The following TDRKH variants were observed in gnomAD, a reference collection of about 807,000 sequenced individuals.
The protein encoded by TDRKH is tudor and KH domain-containing protein.
In TDRKH, 28 loss-of-function variants were observed where a neutral mutation model predicts 61.3. The observed-to-expected ratio is 0.46, with a 90% CI of 0.34 to 0.63. The LOEUF is 0.63. TDRKH is among the 20% of genes least tolerant of loss of function. The probability of loss-of-function intolerance (pLI) is 0.01; values close to 1 mark genes in which losing one functional copy is unlikely to be tolerated. For synonymous variants in TDRKH, 219 were observed against 244.4 expected (o/e 0.90, Z 0.97); for missense variants, 540 against 683.4 (o/e 0.79, Z 2.34).
At chr1:151,785,806 T>G (rs1325702673) in intron 1 of TDRKH, among the ~76,000 whole-genome samples, 2 of 152,216 alleles carry the variant, frequency 1.3e-5, no homozygotes, top group Non-Finnish European at 2.9e-5. Flanking sequence ...AAATTAATAC[T>G]GGTAGAAAGT....
intron 1 of TDRKH, among the ~76,000 whole-genome samples, chr1:151,787,867 T>C (rs954279641): frequency 2.7e-5 from 4 of 145,528 alleles, no homozygotes; most frequent in Non-Finnish European, 6.0e-5. Context: ...TGCACACCTG[T>C]AGTTCCAGCT....
At chr1:151,766,807 G>A, downstream of TDRKH, 1 of 1,604,484 alleles carries the variant, frequency 6.2e-7, no homozygotes, top group South Asian at 1.1e-5. Flanking sequence ...TACCCGATCT[G>A]GTCACCATAC....
chr1:151,770,245 C>T (rs779813313), downstream of TDRKH: 14 of 1,613,354 alleles, frequency 8.7e-6, no homozygotes, highest in South Asian at 2.2e-5. Context: ...CCAGAATGAT[C>T]GGAACGACAG....
chr1:151,773,053 A>AT (rs1330259293), downstream of TDRKH, among the ~76,000 whole-genome samples: 1 of 147,930 alleles, frequency 6.8e-6, no homozygotes, highest in African/African-American at 2.5e-5. Context: ...GTATTTTTGT[A>AT]TTTTTTTGAG....
Position 151,783,046 on chromosome 1 carries a change from T to C in TDRKH, c.-24A>G, listed in dbSNP as rs764476609. 7.5e-6 allele frequency: 12 copies of C among 1,607,776 alleles called. No homozygotes were observed. The African/African-American group carries it at 1.1e-4, about 14-fold the overall frequency. On this transcript the variant is annotated 5_prime_UTR_variant, in exon 2 of 13. The change creates a new upstream start codon in the 5' untranslated region. Transcript: ENST00000368824. Reference sequence around the variant, plus strand: ...ATTTTCTGCTGTACTCTTTGACTTATATCCTGAAACAAGCAAAGCAGGGAA... The same window carrying C: ...ATTTTCTGCTGTACTCTTTGACTTACATCCTGAAACAAGCAAAGCAGGGAA...
downstream of TDRKH, chr1:151,767,399 A>C (rs78841822): frequency 5.8e-4 from 883 of 1,526,504 alleles, 7 homozygotes; most frequent in African/African-American, 0.011. Context: ...TTACAGAGGT[A>C]GATGGAATCT....
chr1:151,786,237 A>G (rs567936729), intron 1 of TDRKH, among the ~76,000 whole-genome samples: 1 of 152,332 alleles, frequency 6.6e-6, no homozygotes. Context: ...CTGGAGGTAG[A>G]TTTCTTACAA....
intron 1 of TDRKH, among the ~76,000 whole-genome samples, chr1:151,784,778 T>C (rs1414784480): frequency 6.6e-6 from 1 of 152,170 alleles, no homozygotes; most frequent in Non-Finnish European, 1.5e-5. Context: ...CCTATCTAGA[T>C]GCTGATAACT....
intron 9 of TDRKH, 97 bp from the exon 10 acceptor site, chr1:151,775,640 G>A: frequency 6.5e-7 from 1 of 1,527,658 alleles, no homozygotes; most frequent in Non-Finnish European, 8.8e-7. Flanking sequence ...AGGCACCTGT[G>A]TCTTCTCTGG....
chr1:151,768,113 A>C, downstream of TDRKH: 1 of 1,613,920 alleles, frequency 6.2e-7, no homozygotes, highest in African/African-American at 1.3e-5. Flanking sequence ...GACCCAGTAC[A>C]GTTAGACTTT....
At chr1:151,768,666 A>G (rs967488951), downstream of TDRKH, among the ~76,000 whole-genome samples, 1 of 151,676 alleles carries the variant, frequency 6.6e-6, no homozygotes, top group East Asian at 1.9e-4. Context: ...AGTTGGCCAA[A>G]TTTTTTTTTC....
downstream of TDRKH, chr1:151,768,106 C>G: frequency 1.9e-6 from 3 of 1,613,986 alleles, no homozygotes; most frequent in African/African-American, 2.7e-5. Flanking sequence ...CCACCAGGAC[C>G]CAGTACAGTT....
At chr1:151,788,286 T>C (rs1198141315) in intron 1 of TDRKH, among the ~76,000 whole-genome samples, 1 of 152,222 alleles carries the variant, frequency 6.6e-6, no homozygotes, top group East Asian at 1.9e-4. Flanking sequence ...CTGCACTAAA[T>C]GGACATTTAT....
downstream of TDRKH, among the ~76,000 whole-genome samples, chr1:151,772,836 A>G (rs987091831): frequency 2.0e-5 from 3 of 152,168 alleles, no homozygotes; most frequent in African/African-American, 7.2e-5. Flanking sequence ...TTTGAATAGT[A>G]TAGGTGGGGT....
downstream of TDRKH, chr1:151,768,113 A>G: frequency 6.2e-7 from 1 of 1,613,920 alleles, no homozygotes; most frequent in East Asian, 2.2e-5. Flanking sequence ...GACCCAGTAC[A>G]GTTAGACTTT....
downstream of TDRKH, chr1:151,770,354 C>T (rs1648631011): frequency 3.4e-6 from 5 of 1,463,308 alleles, no homozygotes; most frequent in Admixed American, 1.2e-4. Flanking sequence ...TTTAAAAATG[C>T]ACCCTCAGGC....
chr1:151,776,090 A>T lies in TDRKH; in HGVS notation c.1217+6T>A, dbSNP rs369798218. 96 of 1,611,286 alleles carry T rather than the reference A, an allele frequency of 6.0e-5. No individual in the cohort carries two copies. The highest frequency in any genetic ancestry group is 7.9e-5 in the Non-Finnish European group (93 of 1,178,590). On this transcript the variant is annotated splice_donor_region_variant and intron_variant, in intron 8 of 12. Coordinates refer to ENST00000368824, the MANE Select transcript of TDRKH (RefSeq NM_001083965.2). ...CAGTTGGGATTGAGCTGACCTCAGCACTGACCTGAGAGCCCTGAGGTCCTT... is the reference window on the plus strand; with the variant it reads ...CAGTTGGGATTGAGCTGACCTCAGCTCTGACCTGAGAGCCCTGAGGTCCTT...
chr1:151,780,896 T>G (rs183337691), intron 3 of TDRKH, among the ~76,000 whole-genome samples: 1 of 148,534 alleles, frequency 6.7e-6, no homozygotes, highest in Admixed American at 6.7e-5. Context: ...ATGCTGACAA[T>G]CACCCAGTCA....
rs1320775363 is a variant in TDRKH at position 151,775,415 on chromosome 1, A to G, written c.1411T>C (p.Leu471=). 1.2e-6 allele frequency: 2 copies of G among 1,613,764 alleles called. No homozygotes were observed. Among genetic ancestry groups the G allele is most frequent in the Admixed American group, 1.7e-5 (1 of 59,952 alleles). Residue 471 remains leucine (L), a synonymous_variant, in exon 10 of 13, where the codon TTA becomes CTA. Transcript: ENST00000368824. ...ACCTTCCCATTGCTAGTATCATATA[A>G]GTAGATCTTTGGCCAAGTTGAGATC... ...TGISTWPKIY[L]YDTSNGKKLD...
Sources: gnomAD v4.1 joint callset for allele counts (sites outside exome capture counted in the v4.1 genomes callset) on GRCh38, gnomAD v4.1.1 for gene constraint, MANE v1.5 for transcripts, NCBI Gene and HGNC (gene_info 2026-07-23, HGNC 2026-07-21) for gene names.